FAM107B: variants seen among roughly 807,000 people sequenced by gnomAD.
The protein encoded by FAM107B is protein FAM107B.
Under a neutral mutation model 31.5 loss-of-function variants are expected in FAM107B, and 21 were observed. That is an observed-to-expected ratio of 0.67 (90% CI 0.47 to 0.96). FAM107B has a LOEUF of 0.96. FAM107B is among the 40% of genes least tolerant of loss of function. The pLI, the probability that FAM107B is intolerant of heterozygous loss-of-function variation, is 0.00. For synonymous variants in FAM107B, 157 were observed against 141.5 expected (o/e 1.11, Z -0.78); for missense variants, 452 against 377.1 (o/e 1.20, Z -1.64).
At chr10:14,588,110 G>A (rs761074367) in intron 2 of FAM107B, among the ~76,000 whole-genome samples, 43 of 152,178 alleles carry the variant, frequency 2.8e-4, no homozygotes, top group Non-Finnish European at 4.4e-4. Context: ...GTCTGACAGC[G>A]CTTCTGAAGA....
At chr10:14,684,064 G>C (rs1237291010) in intron 1 of FAM107B, among the ~76,000 whole-genome samples, 1 of 152,202 alleles carries the variant, frequency 6.6e-6, no homozygotes, top group African/African-American at 2.4e-5. Flanking sequence ...TGTTAGACTT[G>C]GTGTCCGATG....
At chr10:14,729,252 AC>A (rs1856108105) in intron 1 of FAM107B, among the ~76,000 whole-genome samples, 1 of 151,980 alleles carries the variant, frequency 6.6e-6, no homozygotes, top group African/African-American at 2.4e-5. Context: ...TCCTACCTTG[AC>A]CTCCCAAAGC....
At chr10:14,729,524 A>C (rs1379693273) in intron 1 of FAM107B, among the ~76,000 whole-genome samples, 1 of 152,146 alleles carries the variant, frequency 6.6e-6, no homozygotes, top group Non-Finnish European at 1.5e-5. Context: ...GAGCAGATAA[A>C]GGGAGGGATC....
At chr10:14,617,057 G>A (rs1211029189) in intron 2 of FAM107B, among the ~76,000 whole-genome samples, 6 of 151,982 alleles carry the variant, frequency 3.9e-5, no homozygotes, top group Admixed American at 3.9e-4. Context: ...AAAGAGAGAA[G>A]AAAGAGAACC....
chr10:14,671,890 A>AAT (rs1178811129), intron 1 of FAM107B, among the ~76,000 whole-genome samples: 1 of 149,404 alleles, frequency 6.7e-6, no homozygotes, highest in African/African-American at 2.5e-5. Flanking sequence ...AAAAACAAAA[A>AAT]AACAAAAAAA....
At chr10:14,755,920 G>A (rs1470383664) in intron 1 of FAM107B, among the ~76,000 whole-genome samples, 3 of 152,036 alleles carry the variant, frequency 2.0e-5, no homozygotes, top group Admixed American at 2.0e-4. Flanking sequence ...CGTTGGTGGG[G>A]GACTAAAGCT....
intron 1 of FAM107B, among the ~76,000 whole-genome samples, chr10:14,741,110 A>G (rs1856426466): frequency 6.6e-6 from 1 of 152,166 alleles, no homozygotes; most frequent in African/African-American, 2.4e-5. Context: ...TTTGGGAGTC[A>G]GAGGAGTGGC....
intron 1 of FAM107B, among the ~76,000 whole-genome samples, chr10:14,766,817 TACA>T (rs373828676): frequency 2.0e-4 from 30 of 150,484 alleles, no homozygotes; most frequent in African/African-American, 7.1e-4. Context: ...TCAAACACTG[TACA>T]ACAACAACAA....
chr10:14,769,156 C>T (rs1462562825), intron 1 of FAM107B, among the ~76,000 whole-genome samples: 1 of 152,212 alleles, frequency 6.6e-6, no homozygotes, highest in Non-Finnish European at 1.5e-5. Context: ...TCTCTATTCT[C>T]TCAGAGAAAG....
At chr10:14,572,736 A>ATTTTATATATATATATAGATAT (rs1455058375) in intron 2 of FAM107B, among the ~76,000 whole-genome samples, 1 of 86,490 alleles carries the variant, frequency 1.2e-5, no homozygotes, top group African/African-American at 4.0e-5. Flanking sequence ...AAAAAAAAAA[A>ATTTTATATATATATATAGATAT]ATTTATATAT....
chr10:14,540,361 A>T (rs532048042), intron 2 of FAM107B, among the ~76,000 whole-genome samples: 1 of 152,288 alleles, frequency 6.6e-6, no homozygotes, highest in East Asian at 1.9e-4. Context: ...AACAAATGTC[A>T]TCCTTCAAAT....
chr10:14,617,239 G>A (rs2131397734), intron 2 of FAM107B, among the ~76,000 whole-genome samples: 1 of 152,220 alleles, frequency 6.6e-6, no homozygotes, highest in Admixed American at 6.5e-5. Context: ...CTTTCCTGTT[G>A]AGACCTGTGT....
At chr10:14,634,260 C>T (rs556734326) in intron 2 of FAM107B, among the ~76,000 whole-genome samples, 3 of 151,996 alleles carry the variant, frequency 2.0e-5, no homozygotes, top group South Asian at 4.2e-4. Flanking sequence ...ATTAGCCAGG[C>T]GTGGTGGCGG....
At chr10:14,705,023 CAAAAA>C (rs57922026) in intron 1 of FAM107B, among the ~76,000 whole-genome samples, 3 of 87,930 alleles carry the variant, frequency 3.4e-5, no homozygotes, top group African/African-American at 1.4e-4. Flanking sequence ...GACCCTGTCA[CAAAAA>C]AAAAAAAAAA....
At chr10:14,712,325 T>C (rs1855668958) in intron 1 of FAM107B, among the ~76,000 whole-genome samples, 1 of 151,994 alleles carries the variant, frequency 6.6e-6, no homozygotes. Flanking sequence ...GGTGCGTGGC[T>C]CAAGCCTGTA....
chr10:14,751,686 T>C (rs1362347819), intron 1 of FAM107B, among the ~76,000 whole-genome samples: 1 of 151,846 alleles, frequency 6.6e-6, no homozygotes, highest in Non-Finnish European at 1.5e-5. Flanking sequence ...AGGAAATTAT[T>C]TGAAAAAACT....
At chr10:14,583,580 C>T (rs935085098) in intron 2 of FAM107B, among the ~76,000 whole-genome samples, 3 of 151,946 alleles carry the variant, frequency 2.0e-5, no homozygotes, top group Admixed American at 6.6e-5. Flanking sequence ...AAAAAGTGGT[C>T]GCGGAAGTTG....
intron 1 of FAM107B, among the ~76,000 whole-genome samples, chr10:14,772,610 C>T (rs544218690): frequency 2.0e-4 from 30 of 152,128 alleles, no homozygotes; most frequent in Admixed American, 1.8e-3. Flanking sequence ...AGTCAACTGC[C>T]GCGTGTCCTG....
chr10:14,688,773 C>A (rs988723600), intron 1 of FAM107B, among the ~76,000 whole-genome samples: 1 of 152,122 alleles, frequency 6.6e-6, no homozygotes, highest in African/African-American at 2.4e-5. Context: ...CCACCCTCTC[C>A]GCCCACACCT....
Sources: gnomAD v4.1 joint callset for allele counts (sites outside exome capture counted in the v4.1 genomes callset) on GRCh38, gnomAD v4.1.1 for gene constraint, MANE v1.5 for transcripts, NCBI Gene and HGNC (gene_info 2026-07-23, HGNC 2026-07-21) for gene names.